Variants in NCOR2 observed in about 807,000 individuals in gnomAD.
The protein encoded by NCOR2 is nuclear receptor corepressor 2, also known as CTG repeat protein 26.
Under a neutral mutation model 262.9 loss-of-function variants are expected in NCOR2, and 81 were observed. The ratio of observed to expected loss-of-function variants is 0.31; its 90% CI spans 0.26 to 0.37. The LOEUF (loss-of-function observed/expected upper bound fraction) is 0.37, where lower values mean the gene tolerates loss of function less well. Among genes scored for constraint, NCOR2 ranks in the 10% least tolerant of loss-of-function variants. The pLI is 1.00. For synonymous variants in NCOR2, 1,659 were observed against 1,559.3 expected (o/e 1.06, Z -1.51); for missense variants, 3,385 against 3,621.4 (o/e 0.93, Z 1.68).
chr12:124,410,479 A>T (rs1299569654), intron 13 of NCOR2, among the ~76,000 whole-genome samples: 1 of 151,136 alleles, frequency 6.6e-6, no homozygotes, highest in Non-Finnish European at 1.5e-5. Flanking sequence ...TTCAACCCTA[A>T]AACTGCACCC....
At chr12:124,365,091 C>A (rs1344026683) in intron 20 of NCOR2, among the ~76,000 whole-genome samples, 1 of 152,162 alleles carries the variant, frequency 6.6e-6, no homozygotes, top group Non-Finnish European at 1.5e-5. Context: ...ATGGAAGCAG[C>A]CCGGCCTGCA....
In NCOR2 at chr12:124,481,164, G is replaced by A. The variant is rs976022413; in HGVS notation, c.411+2432C>T. On this transcript the variant is annotated intron_variant, in intron 3 of 46. Coordinates refer to ENST00000405201, the Ensembl canonical transcript of NCOR2. This position sits in a 1 kb window ranked among gnomAD's most constrained non-coding sequence, Gnocchi z 4.6. ...TGGAAAGAAAGAGAGGGAGGAAGAA[G>A]GAGGGAGGAAGGTGTAGAAGGAGAG... 1.3e-5 allele frequency among the ~76,000 whole-genome samples: 2 copies of A among 151,824 alleles called. No homozygotes were observed.
At chr12:124,348,872 G>A (rs150523238) in intron 28 of NCOR2, 2,251 of 157,550 alleles carry the variant, frequency 0.014, 24 homozygotes, top group Non-Finnish European at 0.022. Context: ...GTGTGTGGAC[G>A]TGTGGCAGGC....
At chr12:124,462,486 A>G (rs371600183) in intron 5 of NCOR2, among the ~76,000 whole-genome samples, 38 of 152,330 alleles carry the variant, frequency 2.5e-4, no homozygotes, top group Middle Eastern at 3.4e-3. Flanking sequence ...GAGCTCTCCC[A>G]GGGTGGGTGA....
intron 4 of NCOR2, among the ~76,000 whole-genome samples, chr12:124,467,638 A>C (rs1593679191): frequency 1.3e-5 from 1 of 74,684 alleles, no homozygotes; most frequent in Non-Finnish European, 2.6e-5. Context: ...CATCATCTTC[A>C]CCCCATCATC....
chr12:124,420,258 C>A, intron 12 of NCOR2, among the ~76,000 whole-genome samples: 1 of 152,214 alleles, frequency 6.6e-6, no homozygotes. Context: ...AGGATTATCA[C>A]AAAGATCAGA....
In NCOR2 at chr12:124,350,536, C is replaced by T. The variant is rs762774748; in HGVS notation, c.3844+51G>A. The T allele has an allele frequency of 3.2e-6, 5 of 1,582,200 alleles. No individual in the cohort carries two copies. The Admixed American group carries it at 8.7e-5, about 27-fold the overall frequency. On this transcript the variant is annotated intron_variant, in intron 28 of 46. Transcript: ENST00000405201. ...CTCCCTGTGAAGCTACCTCAGTGGG[C>T]CAAGCACACTCCTCCCCTGGTCCTG...
intron 8 of NCOR2, among the ~76,000 whole-genome samples, chr12:124,431,018 C>T (rs1238432754): frequency 6.6e-6 from 1 of 152,036 alleles, no homozygotes; most frequent in Non-Finnish European, 1.5e-5. Flanking sequence ...ACAAGTCACA[C>T]AGGCACACAC....
intron 3 of NCOR2, among the ~76,000 whole-genome samples, chr12:124,475,478 A>G (rs913519929): frequency 3.9e-5 from 6 of 152,216 alleles, no homozygotes; most frequent in Admixed American, 6.5e-5. Context: ...ACTTTCCTAT[A>G]AAGGGCCAGA....
intron 8 of NCOR2, among the ~76,000 whole-genome samples, 172 bp from the exon 11 acceptor site, chr12:124,430,959 C>T (rs553103388): frequency 7.9e-4 from 120 of 152,204 alleles, no homozygotes; most frequent in Non-Finnish European, 1.1e-3. Context: ...TACATACAGG[C>T]ACACACATAC....
At chr12:124,325,386 C>CCCA (rs767845044) in exon 47 of NCOR2, 4 of 589,828 alleles carry the variant, frequency 6.8e-6, no homozygotes, top group South Asian at 5.6e-5. Flanking sequence ...CGCCCCCCCC[C>CCCA]CCGCCCTGTT....
intron 1 of NCOR2, among the ~76,000 whole-genome samples, chr12:124,520,268 T>A (rs1158546838): frequency 1.3e-5 from 2 of 152,140 alleles, no homozygotes; most frequent in African/African-American, 4.8e-5. Flanking sequence ...ACGGGCATAT[T>A]TTTAGCCCAA....
intron 1 of NCOR2, among the ~76,000 whole-genome samples, chr12:124,488,596 C>T (rs1192534492): frequency 6.6e-6 from 1 of 152,200 alleles, no homozygotes; most frequent in Non-Finnish European, 1.5e-5. Flanking sequence ...TAGGTGCTCT[C>T]AGTGGGAGGA....
At chr12:124,442,776 T>C (rs1394022158) in intron 7 of NCOR2, among the ~76,000 whole-genome samples, 1 of 152,046 alleles carries the variant, frequency 6.6e-6, no homozygotes, top group African/African-American at 2.4e-5. Context: ...ATGACCTCAT[T>C]TGGAAACAGA....
In NCOR2 at chr12:124,489,271, T is replaced by C. The variant is rs191112814; in HGVS notation, c.106-2703A>G. ...CATTAATCATAAAAAACAACAATAA[T>C]ACCCCACAGTAATAAATTGCCTTTG... is the stretch of plus-strand genomic sequence containing the variant. On this transcript the variant is annotated intron_variant, in intron 1 of 46. Transcript: ENST00000405201. Among the ~76,000 whole-genome samples the C allele has an allele frequency of 3.9e-3, 597 of 152,252 alleles. 3 individuals carry two copies. The highest frequency in any genetic ancestry group is 6.8e-3 in the Non-Finnish European group (460 of 68,010).
At chr12:124,385,982 GA>G in intron 16 of NCOR2, 95 bp from the exon 19 acceptor site, 2 of 1,462,420 alleles carry the variant, frequency 1.4e-6, no homozygotes, top group South Asian at 2.7e-5. Flanking sequence ...GCCTGGAGCA[GA>G]AACCCAGCCT....
exon 28 of NCOR2, chr12:124,350,727 G>C: frequency 6.2e-7 from 1 of 1,611,532 alleles, no homozygotes; most frequent in African/African-American, 1.3e-5. Flanking sequence ...CAGGACGTCA[G>C]CTGGCGTGCC....
intron 1 of NCOR2, among the ~76,000 whole-genome samples, chr12:124,493,664 T>C (rs1001274170): frequency 3.3e-5 from 5 of 152,206 alleles, no homozygotes; most frequent in Admixed American, 1.3e-4. Context: ...ATTTGACCCA[T>C]AGTAGGTGCT....
intron 1 of NCOR2, among the ~76,000 whole-genome samples, chr12:124,488,414 T>C (rs909579505): frequency 1.5e-4 from 23 of 152,328 alleles, no homozygotes; most frequent in Middle Eastern, 6.8e-3. Flanking sequence ...CCTCTGAGCC[T>C]CAGTTTCTCC....
Sources: allele counts gnomAD v4.1 joint callset (sites outside exome capture counted in the v4.1 genomes callset), GRCh38; gene constraint gnomAD v4.1.1; non-coding constraint Gnocchi (gnomAD v3.1); transcripts MANE v1.5; gene names NCBI Gene and HGNC (gene_info 2026-07-23, HGNC 2026-07-21).